Variants in NBDY observed in about 807,000 individuals in gnomAD.
NBDY encodes P-body dissociating protein.
At chrX:56,751,727 G>A (rs544368239) in intron 2 of NBDY, among the ~76,000 whole-genome samples, 16 of 112,049 alleles carry the variant, frequency 1.4e-4, no homozygotes, top group South Asian at 7.4e-4. Flanking sequence ...GATTAGTTTC[G>A]CATATTCTTG....
At chrX:56,793,996 C>T (rs1441093942) in intron 2 of NBDY, among the ~76,000 whole-genome samples, 1 of 112,267 alleles carries the variant, frequency 8.9e-6, no homozygotes, top group Non-Finnish European at 1.9e-5. Context: ...TAAACAGCCC[C>T]ATTCTCATCC....
intron 2 of NBDY, among the ~76,000 whole-genome samples, chrX:56,762,262 CTCTT>C (rs1047575744): frequency 2.7e-5 from 3 of 110,822 alleles, no homozygotes; most frequent in East Asian, 5.7e-4. Context: ...CCTCCTCTTC[CTCTT>C]TCTTTCTCTT....
At chrX:56,734,226 T>C (rs2069474793) in intron 2 of NBDY, among the ~76,000 whole-genome samples, 1 of 111,818 alleles carries the variant, frequency 8.9e-6, no homozygotes, top group African/African-American at 3.3e-5. Context: ...ATCAAATATG[T>C]CCATGCAATC....
chrX:56,786,343 G>A (rs1419205974), intron 2 of NBDY, among the ~76,000 whole-genome samples: 1 of 111,548 alleles, frequency 9.0e-6, no homozygotes, highest in Non-Finnish European at 1.9e-5. Context: ...TTAAAGGGCT[G>A]TGACTATGGC....
rs748941351 is a variant in NBDY, at chrX:56,762,272, CTCTTT to C, written c.*166+30089_*166+30093del. On this transcript the variant is annotated intron_variant, in intron 2 of 2. Coordinates refer to ENST00000374922, the MANE Select transcript of NBDY (RefSeq NM_001348129.2). The stretch of plus-strand genomic sequence containing the variant: ...CTCTTCCTCCTCTTCCTCTTTCTTT[CTCTTT>C]TCTTTTCTTTTCTTTCTTTCTTTCC... Among the ~76,000 whole-genome samples the C allele has an allele frequency of 1.8e-3, 204 of 110,993 alleles. 1 individual carries two copies. Among genetic ancestry groups the C allele is most frequent in the Admixed American group, 3.3e-3 (35 of 10,469 alleles).
At chrX:56,781,084 A>C (rs1450763655) in intron 2 of NBDY, among the ~76,000 whole-genome samples, 2 of 111,534 alleles carry the variant, frequency 1.8e-5, no homozygotes, top group African/African-American at 6.5e-5. Context: ...GAACGCAGGA[A>C]CTTTGGTGTT....
At chrX:56,813,124 A>T (rs1335242364) in intron 2 of NBDY, among the ~76,000 whole-genome samples, 1 of 111,383 alleles carries the variant, frequency 9.0e-6, no homozygotes, top group Non-Finnish European at 1.9e-5. Flanking sequence ...CCAACATGGC[A>T]CATGTATACA....
chrX:56,767,690 T>G (rs1450654101), intron 2 of NBDY, among the ~76,000 whole-genome samples: 1 of 113,057 alleles, frequency 8.8e-6, no homozygotes, highest in African/African-American at 3.2e-5. Flanking sequence ...AACTTTCTTT[T>G]ATAATTATGT....
At chrX:56,816,599 A>G (rs1385237623) in intron 2 of NBDY, among the ~76,000 whole-genome samples, 1 of 111,294 alleles carries the variant, frequency 9.0e-6, no homozygotes, top group African/African-American at 3.2e-5. Context: ...CTATTTTTAT[A>G]TTAAAAATTA....
intron 2 of NBDY, among the ~76,000 whole-genome samples, chrX:56,760,140 C>T (rs1013310642): frequency 8.9e-6 from 1 of 112,984 alleles, no homozygotes; most frequent in African/African-American, 3.2e-5. Flanking sequence ...ATGGCAGGTA[C>T]ACTTCCTTCA....
At chrX:56,800,136 G>T (rs2069814716) in intron 2 of NBDY, among the ~76,000 whole-genome samples, 1 of 111,793 alleles carries the variant, frequency 8.9e-6, no homozygotes, top group South Asian at 3.8e-4. Flanking sequence ...GGAAGATCTG[G>T]ACTGTGTCCT....
At chrX:56,807,627 G>A (rs950022227) in intron 2 of NBDY, among the ~76,000 whole-genome samples, 5 of 111,674 alleles carry the variant, frequency 4.5e-5, no homozygotes, top group Non-Finnish European at 9.4e-5. Context: ...GTCTGTTCTT[G>A]GGGTATAGGA....
At chrX:56,801,547 GT>G in intron 2 of NBDY, among the ~76,000 whole-genome samples, 2 of 110,975 alleles carry the variant, frequency 1.8e-5, no homozygotes, top group Admixed American at 1.9e-4. Context: ...CACCAGTTCA[GT>G]CCCTCTGGTG....
chrX:56,803,147 A>C (rs901831349), intron 2 of NBDY, among the ~76,000 whole-genome samples: 3 of 110,735 alleles, frequency 2.7e-5, no homozygotes, highest in African/African-American at 9.8e-5. Context: ...CCCCAGGCTG[A>C]AGCTGGACGA....
At chrX:56,811,902 T>C (rs1056645433) in intron 2 of NBDY, among the ~76,000 whole-genome samples, 1 of 111,457 alleles carries the variant, frequency 9.0e-6, no homozygotes, top group Non-Finnish European at 1.9e-5. Flanking sequence ...GGCACTGGAG[T>C]GAATCTCCTG....
intron 2 of NBDY, among the ~76,000 whole-genome samples, chrX:56,799,454 A>C (rs927346904): frequency 1.8e-5 from 2 of 113,399 alleles, no homozygotes; most frequent in African/African-American, 6.4e-5. Flanking sequence ...TGGGGCTGCC[A>C]GACTGTTCTG....
intron 2 of NBDY, among the ~76,000 whole-genome samples, chrX:56,805,709 C>T (rs2069845448): frequency 8.9e-6 from 1 of 112,065 alleles, no homozygotes; most frequent in Non-Finnish European, 1.9e-5. Flanking sequence ...TGTGAGGCCA[C>T]AGGAGGCCAC....
chrX:56,791,573 C>A (rs750414651), intron 2 of NBDY, among the ~76,000 whole-genome samples: 1 of 111,408 alleles, frequency 9.0e-6, no homozygotes, highest in East Asian at 2.8e-4. Context: ...AGTTTTGATT[C>A]CACTCAGGAA....
chrX:56,787,235 A>T (rs1748793234), intron 2 of NBDY, among the ~76,000 whole-genome samples: 1 of 110,961 alleles, frequency 9.0e-6, no homozygotes, highest in Non-Finnish European at 1.9e-5. Context: ...AAATGAAATC[A>T]CAAACACACA....
Sources: allele counts gnomAD v4.1 joint callset (sites outside exome capture counted in the v4.1 genomes callset), GRCh38; gene constraint gnomAD v4.1.1; transcripts MANE v1.5; gene names NCBI Gene and HGNC (gene_info 2026-07-23, HGNC 2026-07-21).